MYO3A: variants seen among roughly 807,000 people sequenced by gnomAD.
MYO3A encodes the protein myosin IIIA.
A neutral mutation model predicts 192.7 loss-of-function variants in MYO3A; 180 were observed. That is an observed-to-expected ratio of 0.93 (90% CI 0.83 to 1.06). The LOEUF is 1.06. Among genes scored for constraint, MYO3A ranks in the 50% least tolerant of loss-of-function variants. The pLI is 0.00. For synonymous variants in MYO3A, 628 were observed against 645.3 expected (o/e 0.97, Z 0.41); for missense variants, 1,896 against 1,905.0 (o/e 1.00, Z 0.09).
chr10:26,156,078 G>T (rs544494031), intron 25 of MYO3A, among the ~76,000 whole-genome samples: 4 of 152,192 alleles, frequency 2.6e-5, no homozygotes, highest in African/African-American at 9.6e-5. Context: ...GGAAGGTCCT[G>T]CTTAGAGTAT....
intron 10 of MYO3A, among the ~76,000 whole-genome samples, chr10:26,060,279 ACATAC>A (rs1834376003): frequency 7.2e-6 from 1 of 138,780 alleles, no homozygotes; most frequent in South Asian, 2.3e-4. Context: ...ATAAATAAAT[ACATAC>A]ATAAATAAAT....
chr10:25,938,122 C>T (rs1836229344), intron 2 of MYO3A, among the ~76,000 whole-genome samples: 1 of 152,138 alleles, frequency 6.6e-6, no homozygotes, highest in Non-Finnish European at 1.5e-5. Context: ...TTTTCATAGT[C>T]ATTCCAGGAG....
intron 4 of MYO3A, among the ~76,000 whole-genome samples, chr10:25,987,134 G>C (rs1839702921): frequency 6.6e-6 from 1 of 152,160 alleles, no homozygotes; most frequent in Non-Finnish European, 1.5e-5. Context: ...TCAACAAATG[G>C]TGCTGGGATA....
intron 19 of MYO3A, among the ~76,000 whole-genome samples, chr10:26,127,713 T>G (rs185381165): frequency 2.0e-5 from 3 of 150,558 alleles, no homozygotes; most frequent in Admixed American, 2.0e-4. Flanking sequence ...AACTCTACAA[T>G]GTATATATTT....
chr10:25,948,521 T>G (rs990498806), intron 2 of MYO3A, among the ~76,000 whole-genome samples: 1 of 152,100 alleles, frequency 6.6e-6, no homozygotes, highest in African/African-American at 2.4e-5. Flanking sequence ...AACTAAGAAC[T>G]TATTTATATG....
chr10:26,193,270 T>G lies in MYO3A; in HGVS notation c.4504T>G (p.Leu1502Val), dbSNP rs1478527262. ...PPRRPRKPKT[L>V]NNPEDSTYYY... ...AAGACGACCCCGGAAACCCAAAACA[T>G]TAAATAACCCTGAAGACTCCACATA... The change falls in exon 32 of 35, where the codon TTA becomes GTA. Residue 1502 changes from leucine to valine, a missense_variant. Leu to Val is a conservative substitution (Grantham distance 32). Coordinates refer to ENST00000642920, the MANE Select transcript of MYO3A (RefSeq NM_017433.5). The G allele has an allele frequency of 6.2e-7, 1 of 1,613,640 alleles. No homozygotes were observed. Among genetic ancestry groups the G allele is most frequent in the Non-Finnish European group, 8.5e-7 (1 of 1,179,876 alleles).
At position 26,192,204 on chromosome 10, in the gene MYO3A, G is replaced by T. The variant is rs145189946; in HGVS notation, c.4439-1001G>T. 3.1e-3 allele frequency among the ~76,000 whole-genome samples: 474 copies of T among 152,248 alleles called. 2 individuals are homozygous for T. The highest frequency in any genetic ancestry group is 0.011 in the African/African-American group (453 of 41,552). On this transcript the variant is annotated intron_variant, in intron 31 of 34. Coordinates refer to ENST00000642920, the MANE Select transcript of MYO3A (RefSeq NM_017433.5). Reference sequence around the variant, plus strand: ...CAGAGGCTCTGACGGTGTTGCTCCCGGTTTGAGATCTTGGCTATATTAACA... The same window carrying T: ...CAGAGGCTCTGACGGTGTTGCTCCCTGTTTGAGATCTTGGCTATATTAACA...
intron 17 of MYO3A, 75 bp from the exon 18 acceptor site, chr10:26,120,601 C>G: frequency 1.3e-6 from 2 of 1,598,524 alleles, no homozygotes; most frequent in South Asian, 2.2e-5. Flanking sequence ...CTCTTCCAGT[C>G]TGTCCCCAGC....
At chr10:26,155,573 C>CT (rs1841065693) in intron 25 of MYO3A, among the ~76,000 whole-genome samples, 1 of 152,094 alleles carries the variant, frequency 6.6e-6, no homozygotes, top group African/African-American at 2.4e-5. Flanking sequence ...TAAATTTACT[C>CT]TAAGTGTTCA....
intron 2 of MYO3A, among the ~76,000 whole-genome samples, chr10:25,948,882 C>CT (rs1182419428): frequency 2.4e-4 from 37 of 152,142 alleles, no homozygotes; most frequent in Admixed American, 2.4e-3. Context: ...CAAAATGCCT[C>CT]TTTTTTGTCA....
At chr10:26,073,349 A>G (rs1232885271) in intron 14 of MYO3A, among the ~76,000 whole-genome samples, 1 of 152,152 alleles carries the variant, frequency 6.6e-6, no homozygotes, top group Non-Finnish European at 1.5e-5. Context: ...AGGCGGGTGG[A>G]TCAAGAGGTC....
chr10:26,113,466 C>A (rs1838314556), intron 17 of MYO3A, among the ~76,000 whole-genome samples: 1 of 124,840 alleles, frequency 8.0e-6, no homozygotes, highest in East Asian at 2.2e-4. Context: ...AAGACTACGT[C>A]TCAAAAAAAC....
chr10:25,961,598 A>G (rs1588664724), intron 4 of MYO3A, among the ~76,000 whole-genome samples: 1 of 152,134 alleles, frequency 6.6e-6, no homozygotes, highest in African/African-American at 2.4e-5. Context: ...ATAAAATGGT[A>G]TTTCCAAAAT....
rs73610376 is a variant in MYO3A, at chr10:25,961,182, G to A, written c.303+6174G>A. On this transcript the variant is annotated intron_variant, in intron 4 of 34. Coordinates refer to ENST00000642920, the MANE Select transcript of MYO3A (RefSeq NM_017433.5). ...CATGTATAGAATCATTGGCAGATGT[G>A]CATTTAAGTGGAGATTCAGGTATTC... Among the ~76,000 whole-genome samples, 1,511 of 152,178 alleles carry A rather than the reference G, an allele frequency of 9.9e-3. 26 individuals are homozygous for A. The highest frequency in any genetic ancestry group is 0.034 in the African/African-American group (1,398 of 41,522).
At chr10:26,157,656 A>T in intron 26 of MYO3A, 141 bp downstream of exon 26, 1 of 906,684 alleles carries the variant, frequency 1.1e-6, no homozygotes, top group Non-Finnish European at 1.7e-6. Flanking sequence ...ATGTGTTGAA[A>T]AAAGAAGATA....
chr10:26,144,871 C>A (rs1047456534), intron 21 of MYO3A, among the ~76,000 whole-genome samples: 3 of 152,106 alleles, frequency 2.0e-5, no homozygotes, highest in African/African-American at 7.2e-5. Context: ...GATTAGGGCC[C>A]ACAACCTGTG....
In MYO3A at chr10:26,201,281, A is replaced by T; in HGVS notation, c.4562A>T (p.Glu1521Val). The change falls in exon 33 of 35, where the codon GAA becomes GTA. Residue 1521 changes from glutamate to valine, a missense_variant. Physicochemically the swap from Glu to Val is moderately radical, Grantham distance 121 (BLOSUM62 -2). Coordinates refer to ENST00000642920, the MANE Select transcript of MYO3A (RefSeq NM_017433.5). The part of the protein sequence containing the change: ...YYLLHKSIQE[E>V]KRRPRKDSQG... ...TTCCTTTAGAAGTCAATCCAAGAAG[A>T]AAAACGAAGACCAAGGAAAGACAGG... is the stretch of plus-strand genomic sequence containing the variant. The T allele has an allele frequency of 6.3e-7, 1 of 1,579,578 alleles. No individual in the cohort carries two copies. The highest frequency in any genetic ancestry group is 8.7e-7 in the Non-Finnish European group (1 of 1,154,318).
intron 14 of MYO3A, among the ~76,000 whole-genome samples, chr10:26,082,113 T>C (rs1325098267): frequency 6.6e-6 from 1 of 152,174 alleles, no homozygotes; most frequent in Non-Finnish European, 1.5e-5. Context: ...CTGGGATTGT[T>C]TTTTTCTGTT....
chr10:26,013,927 G>C (rs1588777160), intron 6 of MYO3A, among the ~76,000 whole-genome samples: 1 of 152,134 alleles, frequency 6.6e-6, no homozygotes, highest in East Asian at 1.9e-4. Context: ...ATACACCATG[G>C]AATACTACTC....
Sources: gnomAD v4.1 joint callset for allele counts (sites outside exome capture counted in the v4.1 genomes callset) on GRCh38, gnomAD v4.1.1 for gene constraint, MANE v1.5 for transcripts, NCBI Gene and HGNC (gene_info 2026-07-23, HGNC 2026-07-21) for gene names.